Variants in LRBA observed in about 807,000 individuals in gnomAD.
LRBA encodes the protein lipopolysaccharide-responsive and beige-like anchor protein.
LRBA carries 176 observed loss-of-function variants against 330.0 expected under a neutral mutation model. That is an observed-to-expected ratio of 0.53 (90% confidence interval 0.47 to 0.60). The LOEUF is 0.60. Among genes scored for constraint, LRBA ranks in the 20% least tolerant of loss-of-function variants. LRBA has a pLI of 0.00. For synonymous variants in LRBA, 1,230 were observed against 1,193.0 expected (o/e 1.03, Z -0.64); for missense variants, 3,259 against 3,444.8 (o/e 0.95, Z 1.35).
At chr4:150,648,758 T>C (rs1026332395) in intron 37 of LRBA, among the ~76,000 whole-genome samples, 3 of 152,112 alleles carry the variant, frequency 2.0e-5, no homozygotes, top group Non-Finnish European at 2.9e-5. Flanking sequence ...TGCCAAGTAG[T>C]TGAGGGAGCT....
intron 37 of LRBA, among the ~76,000 whole-genome samples, chr4:150,643,805 G>T (rs190828848): frequency 6.6e-6 from 1 of 151,978 alleles, no homozygotes; most frequent in Non-Finnish European, 1.5e-5. Flanking sequence ...TGGAAAAAAA[G>T]ATATTTCATG....
intron 37 of LRBA, among the ~76,000 whole-genome samples, chr4:150,630,078 A>G (rs566488653): frequency 6.6e-6 from 1 of 152,270 alleles, no homozygotes; most frequent in South Asian, 2.1e-4. Context: ...CCAAGCACAA[A>G]GCCTGTATAT....
At chr4:150,900,952 T>G (rs887871198) in intron 13 of LRBA, among the ~76,000 whole-genome samples, 3 of 152,142 alleles carry the variant, frequency 2.0e-5, no homozygotes, top group Non-Finnish European at 4.4e-5. Flanking sequence ...CCTCTTCATA[T>G]GTAAGAGAAA....
intron 36 of LRBA, among the ~76,000 whole-genome samples, chr4:150,687,682 A>G (rs1783747266): frequency 6.6e-6 from 1 of 152,180 alleles, no homozygotes. Context: ...CACAGTAAAT[A>G]GACAAAGCGA....
chr4:150,833,373 G>A (rs571137593), intron 28 of LRBA, among the ~76,000 whole-genome samples: 2 of 152,070 alleles, frequency 1.3e-5, no homozygotes, highest in South Asian at 4.1e-4. Flanking sequence ...AAAGGCTCAA[G>A]CAGAAGGTAA....
chr4:150,775,559 C>T (rs113015971), intron 34 of LRBA, among the ~76,000 whole-genome samples: 3 of 150,090 alleles, frequency 2.0e-5, no homozygotes, highest in African/African-American at 7.4e-5. Flanking sequence ...ATAAAAGAAG[C>T]GTCTAACATA....
intron 41 of LRBA, among the ~76,000 whole-genome samples, chr4:150,489,886 T>G (rs372076893): frequency 6.7e-6 from 1 of 149,894 alleles, no homozygotes; most frequent in African/African-American, 2.4e-5. Context: ...TTATGGCAGA[T>G]GGTCAAGGCC....
rs778441731 is a variant in LRBA, at chr4:150,914,266, C to T, written c.1090G>A (p.Val364Ile). The T allele has an allele frequency of 8.7e-6, 14 of 1,609,224 alleles. No homozygotes were observed. The change falls in exon 9 of 57, where the codon GTT becomes ATT. Residue 364 changes from valine (V) to isoleucine (I), a missense_variant. Val to Ile is a conservative substitution (Grantham distance 29). Coordinates refer to ENST00000651943, the MANE Select transcript of LRBA (RefSeq NM_001364905.1). ...NRVFCGQMTA[V>I]YLFSEALNAA... ...TTTAGAGCTTCACTGAAAAGGTAAA[C>T]TGCAGTCATCTGACCACAGAATACT...
intron 42 of LRBA, among the ~76,000 whole-genome samples, chr4:150,474,011 G>A (rs1054613609): frequency 1.3e-5 from 2 of 152,000 alleles, no homozygotes; most frequent in African/African-American, 2.4e-5. Flanking sequence ...TTTCTTCTGT[G>A]GATTATGCTT....
chr4:150,335,491 G>A (rs59693048), intron 48 of LRBA, among the ~76,000 whole-genome samples: 25,437 of 143,828 alleles, frequency 0.18, 2,704 homozygotes, highest in East Asian at 0.27. Context: ...ATATGTGTGT[G>A]TATATATATA....
intron 23 of LRBA, among the ~76,000 whole-genome samples, chr4:150,851,207 T>C (rs766829493): frequency 4.6e-5 from 7 of 152,220 alleles, no homozygotes; most frequent in Admixed American, 3.3e-4. Flanking sequence ...TTTTTAGCCT[T>C]AGCCTAAAAG....
chr4:150,494,529 G>A (rs1193536845), intron 40 of LRBA, among the ~76,000 whole-genome samples: 1 of 152,188 alleles, frequency 6.6e-6, no homozygotes, highest in Admixed American at 6.5e-5. Context: ...TAGGAGAAAT[G>A]AGTATACTAC....
At chr4:150,271,489 A>G (rs542948728) in intron 56 of LRBA, among the ~76,000 whole-genome samples, 1 of 138,068 alleles carries the variant, frequency 7.2e-6, no homozygotes, top group East Asian at 2.0e-4. Flanking sequence ...CTGCCAGCAC[A>G]GCAGTCTGAA....
rs191167607 is a variant in LRBA at position 150,563,512 on chromosome 4, T to C, written c.6330+24536A>G. Among the ~76,000 whole-genome samples, 5 of 152,248 alleles carry C rather than the reference T, an allele frequency of 3.3e-5. No homozygotes were observed. In the East Asian group the frequency reaches 7.7e-4, roughly 24 times the overall value. ...CCTCTCTCACCACTTCTATTCGACA[T>C]AGTATTCAAAGTTCTGGCCAGGGCA... On this transcript the variant is annotated intron_variant, in intron 40 of 56. Transcript: ENST00000651943.
At chr4:150,797,061 G>A (rs1165838818) in intron 34 of LRBA, among the ~76,000 whole-genome samples, 1 of 151,774 alleles carries the variant, frequency 6.6e-6, no homozygotes, top group Non-Finnish European at 1.5e-5. Context: ...AATCCATTAG[G>A]TGTAATCTCT....
intron 2 of LRBA, among the ~76,000 whole-genome samples, chr4:150,943,060 G>C (rs1735856417): frequency 6.6e-6 from 1 of 152,062 alleles, no homozygotes; most frequent in Non-Finnish European, 1.5e-5. Context: ...CCCTTCATAA[G>C]AGTTAGAAAT....
intron 47 of LRBA, among the ~76,000 whole-genome samples, chr4:150,410,842 CCA>C (rs1192778984): frequency 6.6e-6 from 1 of 152,002 alleles, no homozygotes. Flanking sequence ...GTGATTCTCC[CCA>C]GAGTATGGTT....
chr4:150,714,253 T>C (rs913938380), intron 36 of LRBA, among the ~76,000 whole-genome samples: 1 of 152,188 alleles, frequency 6.6e-6, no homozygotes, highest in Non-Finnish European at 1.5e-5. Context: ...TCAAGAACAG[T>C]TTATAATTTG....
At chr4:150,531,900 T>C (rs1764090367) in intron 40 of LRBA, among the ~76,000 whole-genome samples, 2 of 152,344 alleles carry the variant, frequency 1.3e-5, no homozygotes, top group Non-Finnish European at 2.9e-5. Context: ...TCCCAGCTAC[T>C]GTGCTAGACC....
Sources: gnomAD v4.1 joint callset for allele counts (sites outside exome capture counted in the v4.1 genomes callset) on GRCh38, gnomAD v4.1.1 for gene constraint, MANE v1.5 for transcripts, NCBI Gene and HGNC (gene_info 2026-07-23, HGNC 2026-07-21) for gene names.